The following CSMD1 variants were observed in gnomAD, a reference collection of about 807,000 sequenced individuals.
CSMD1 encodes the protein CUB and Sushi multiple domains 1.
Under a neutral mutation model 417.5 loss-of-function variants are expected in CSMD1, and 213 were observed. That is an observed-to-expected ratio of 0.51 (90% CI 0.46 to 0.57). The LOEUF is 0.57. Among genes scored for constraint, CSMD1 ranks in the 20% least tolerant of loss-of-function variants. The pLI is 0.00. For synonymous variants in CSMD1, 2,862 were observed against 1,736.8 expected, an observed-to-expected ratio of 1.65 and a Z score of -16.11; for missense variants, 6,923 against 4,529.7, an observed-to-expected ratio of 1.53 and a Z score of -15.17.
intron 1 of CSMD1, among the ~76,000 whole-genome samples, chr8:4,802,817 C>G (rs573539005): frequency 2.9e-4 from 44 of 152,290 alleles, no homozygotes; most frequent in Admixed American, 1.4e-3. Context: ...GAAGGACAGA[C>G]TCCAATAATA....
rs570401315 is a variant in CSMD1 at position 3,922,971 on chromosome 8, G to C, written c.818+74932C>G. ...GTGAGCCCCTTGAGGTGTTCATCCA[G>C]GGCTGTTTCAGAGAAATCTCTATTT... On this transcript the variant is annotated intron_variant, in intron 5 of 69. Coordinates refer to ENST00000635120, the MANE Select transcript of CSMD1 (RefSeq NM_033225.6). 3.9e-5 allele frequency among the ~76,000 whole-genome samples: 6 copies of C among 152,262 alleles called. No homozygotes were observed. In the East Asian group the frequency reaches 1.2e-3, roughly 29 times the overall value.
At chr8:4,455,767 C>A (rs1442685733) in intron 2 of CSMD1, among the ~76,000 whole-genome samples, 1 of 151,006 alleles carries the variant, frequency 6.6e-6, no homozygotes, top group Non-Finnish European at 1.5e-5. Flanking sequence ...CCCGTCTCTA[C>A]TAAAAATACA....
chr8:4,535,908 T>C (rs1233967860), intron 2 of CSMD1, among the ~76,000 whole-genome samples: 1 of 152,224 alleles, frequency 6.6e-6, no homozygotes, highest in Non-Finnish European at 1.5e-5. Flanking sequence ...ATTAACTCTT[T>C]GTTGTTGATG....
rs1289265614 is a variant in CSMD1, at chr8:3,158,036, A to C, written c.5845-70T>G. On this transcript the variant is annotated intron_variant, in intron 38 of 69. Transcript: ENST00000635120. The stretch of plus-strand genomic sequence containing the variant: ...AGTATTTAAGGATTAAATGTTTGAG[A>C]ATATCTGCATTTTTTCCTTTCTTGT... 3.3e-6 allele frequency: 4 copies of C among 1,207,794 alleles called. No individual in the cohort carries two copies. In the Admixed American group the frequency reaches 6.6e-5, roughly 20 times the overall value. The allele number at this position is 1,207,794 out of a possible 1,614,324, so 74.8% of individuals were successfully genotyped here. A position where few individuals can be genotyped will look rare whatever the true frequency, so the allele number is the denominator to read the frequency against.
chr8:3,122,773 G>C (rs1817282025), intron 41 of CSMD1, among the ~76,000 whole-genome samples: 1 of 152,154 alleles, frequency 6.6e-6, no homozygotes, highest in Admixed American at 6.5e-5. Context: ...ATGTGGAACT[G>C]TAAGTCCATT....
chr8:3,096,766 G>C lies in CSMD1; in HGVS notation c.7138+83C>G, dbSNP rs139390901. On this transcript the variant is annotated intron_variant, in intron 47 of 69. Transcript: ENST00000635120. ...TAAGTTAACTCAAGAATATATTCCA[G>C]TCTTTATGTTACTAAAACATTGTAA... The C allele has an allele frequency of 6.1e-4, 562 of 923,074 alleles. 1 individual carries two copies. In the African/African-American group the frequency reaches 8.3e-3, roughly 14 times the overall value. 57.2% of individuals were successfully genotyped at this position (923,074 alleles called of 1,614,324 possible). A position where few individuals can be genotyped will look rare whatever the true frequency, so the allele number is the denominator to read the frequency against.
intron 6 of CSMD1, among the ~76,000 whole-genome samples, chr8:3,710,483 G>A (rs546522875): frequency 6.6e-6 from 1 of 152,274 alleles, no homozygotes; most frequent in East Asian, 1.9e-4. Flanking sequence ...GGCAGTGATT[G>A]TTACTCTTTT....
intron 7 of CSMD1, among the ~76,000 whole-genome samples, chr8:3,684,408 A>C (rs1329482140): frequency 6.7e-6 from 1 of 149,074 alleles, no homozygotes; most frequent in African/African-American, 2.4e-5. Context: ...ACATATATAC[A>C]AAATATATTT....
intron 3 of CSMD1, among the ~76,000 whole-genome samples, chr8:4,074,938 T>C (rs944992233): frequency 1.3e-5 from 2 of 152,164 alleles, no homozygotes; most frequent in East Asian, 3.9e-4. Flanking sequence ...TTTGAATTTA[T>C]TTATATTTTT....
intron 2 of CSMD1, among the ~76,000 whole-genome samples, chr8:4,621,836 C>T (rs1486418584): frequency 6.6e-6 from 1 of 151,782 alleles, no homozygotes; most frequent in Non-Finnish European, 1.5e-5. Flanking sequence ...ACCTTACGAC[C>T]AAGTAGGCTG....
At chr8:4,497,337 T>C (rs537777031) in intron 2 of CSMD1, among the ~76,000 whole-genome samples, 3 of 152,352 alleles carry the variant, frequency 2.0e-5, no homozygotes, top group East Asian at 1.9e-4. Context: ...AAAGTAAATC[T>C]ATTTATATAG....
chr8:4,025,752 G>T (rs564174750), intron 4 of CSMD1, among the ~76,000 whole-genome samples: 1 of 152,122 alleles, frequency 6.6e-6, no homozygotes, highest in Non-Finnish European at 1.5e-5. Context: ...TAATGTCAAT[G>T]TGATGTTTGT....
chr8:3,128,935 G>A (rs1000337399), intron 41 of CSMD1: 15 of 432,084 alleles, frequency 3.5e-5, no homozygotes, highest in African/African-American at 2.5e-4. Flanking sequence ...CAGATCTAAG[G>A]GTATCTCACA....
intron 5 of CSMD1, among the ~76,000 whole-genome samples, chr8:3,877,046 T>C (rs542875906): frequency 3.9e-5 from 6 of 152,362 alleles, no homozygotes; most frequent in African/African-American, 1.4e-4. Context: ...TAGTGTTTTT[T>C]TGCCTGTCGT....
At chr8:4,247,912 T>C (rs1802811183) in intron 3 of CSMD1, among the ~76,000 whole-genome samples, 1 of 152,168 alleles carries the variant, frequency 6.6e-6, no homozygotes, top group Non-Finnish European at 1.5e-5. Flanking sequence ...ACCCAGATAT[T>C]AATGTGATGT....
chr8:4,492,858 A>C (rs1316032072), intron 2 of CSMD1, among the ~76,000 whole-genome samples: 1 of 152,216 alleles, frequency 6.6e-6, no homozygotes, highest in Non-Finnish European at 1.5e-5. Flanking sequence ...TGTTATACAG[A>C]ACATGCTTGA....
At chr8:3,751,054 C>T (rs1433344955) in intron 6 of CSMD1, among the ~76,000 whole-genome samples, 2 of 152,046 alleles carry the variant, frequency 1.3e-5, no homozygotes, top group African/African-American at 2.4e-5. Context: ...CTTCCACAGG[C>T]AGTCTGCGTA....
At chr8:4,334,064 T>C (rs1033254137) in intron 3 of CSMD1, among the ~76,000 whole-genome samples, 2 of 151,468 alleles carry the variant, frequency 1.3e-5, no homozygotes, top group African/African-American at 4.9e-5. Flanking sequence ...TCATTAATTA[T>C]GATGATGATG....
At chr8:3,334,692 G>C (rs989529536) in intron 23 of CSMD1, among the ~76,000 whole-genome samples, 9 of 152,240 alleles carry the variant, frequency 5.9e-5, no homozygotes, top group Admixed American at 5.9e-4. Flanking sequence ...TGGAGCTGCA[G>C]TGCAAACGGC....
Sources: allele counts gnomAD v4.1 joint callset (sites outside exome capture counted in the v4.1 genomes callset), GRCh38; gene constraint gnomAD v4.1.1; transcripts MANE v1.5; gene names NCBI Gene and HGNC (gene_info 2026-07-23, HGNC 2026-07-21).